Variants in SYNE2 observed in about 807,000 individuals in gnomAD.
SYNE2 encodes nesprin-2.
Under a neutral mutation model 856.3 loss-of-function variants are expected in SYNE2, and 431 were observed. That is an observed-to-expected ratio of 0.50 (90% CI 0.47 to 0.55). The LOEUF (loss-of-function observed/expected upper bound fraction) is 0.55, where lower values mean the gene tolerates loss of function less well. Ranked by LOEUF, SYNE2 falls within the 20% of genes least tolerant of loss-of-function variation. The pLI, the probability that SYNE2 is intolerant of heterozygous loss-of-function variation, is 0.00. For missense variants in SYNE2, 8,129 were observed against 8,023.2 expected (o/e 1.01, Z -0.50); for synonymous variants, 2,923 against 2,872.3 (o/e 1.02, Z -0.56).
intron 12 of SYNE2, 48 bp from the exon 13 acceptor site, chr14:63,977,857 A>G: frequency 7.9e-7 from 1 of 1,273,192 alleles, no homozygotes; most frequent in African/African-American, 1.5e-5. Context: ...CCTTAATTAC[A>G]GTGTTTGGCA....
intron 2 of SYNE2, among the ~76,000 whole-genome samples, chr14:63,932,108 G>A (rs1312064912): frequency 1.3e-5 from 2 of 152,158 alleles, no homozygotes; most frequent in African/African-American, 4.8e-5. Context: ...CAGTTGCAGT[G>A]GCACACACCT....
rs1167847940 is a variant in SYNE2, at chr14:64,219,382, A to T, written c.19832A>T (p.Glu6611Val). 6.2e-7 allele frequency: 1 copy of T among 1,614,074 alleles called. No homozygotes were observed. The highest frequency in any genetic ancestry group is 2.2e-5 in the East Asian group (1 of 44,894). ...KMAKPPSDIQEIELRVKRLQE... is the reference protein window; with the variant it reads ...KMAKPPSDIQVIELRVKRLQE... Reference sequence around the variant, plus strand: ...GCAAAGCCTCCCTCTGATATCCAGGAAATAGAACTGAGAGTGAAGAGACTG... The same window carrying T: ...GCAAAGCCTCCCTCTGATATCCAGGTAATAGAACTGAGAGTGAAGAGACTG... The change falls in exon 110 of 116, where the codon GAA becomes GTA. Residue 6611 changes from glutamate (E) to valine (V), a missense_variant. By Grantham distance (121) the Glu-to-Val change is moderately radical (BLOSUM62 -2). Around this residue, in one of 3 missense-constraint regions of SYNE2, gnomAD observed 5,410 missense variants for 5,284.8 expected, o/e 1.02. Coordinates refer to ENST00000555002, the MANE Select transcript of SYNE2 (RefSeq NM_182914.3).
intron 32 of SYNE2, 80 bp downstream of exon 32, chr14:64,010,196 G>T (rs954303987): frequency 1.4e-6 from 2 of 1,449,478 alleles, no homozygotes; most frequent in Non-Finnish European, 9.5e-7. Flanking sequence ...TATAGATTAA[G>T]TCTTTTTTGA....
intron 2 of SYNE2, among the ~76,000 whole-genome samples, chr14:63,919,185 T>G (rs1293360283): frequency 6.6e-6 from 1 of 152,166 alleles, no homozygotes; most frequent in African/African-American, 2.4e-5. Context: ...GTAAATAACT[T>G]CAATAAGCTT....
intron 1 of SYNE2, among the ~76,000 whole-genome samples, chr14:63,889,357 C>T (rs949134016): frequency 1.3e-5 from 2 of 151,918 alleles, no homozygotes; most frequent in African/African-American, 4.8e-5. Flanking sequence ...ATTTCTTAAC[C>T]ACTGGCTCTG....
intron 32 of SYNE2, among the ~76,000 whole-genome samples, chr14:64,014,960 T>TAC (rs1567055092): frequency 1.3e-4 from 8 of 59,726 alleles, no homozygotes; most frequent in African/African-American, 6.4e-4. Context: ...TATATATATA[T>TAC]ATATATATAT....
chr14:63,824,163 A>ACC (rs374913528), intron 1 of SYNE2, among the ~76,000 whole-genome samples: 30 of 152,190 alleles, frequency 2.0e-4, no homozygotes, highest in African/African-American at 6.7e-4. Context: ...ACATAATCAA[A>ACC]CCCCATCTCT....
chr14:63,856,919 A>G (rs754391685), intron 1 of SYNE2, among the ~76,000 whole-genome samples: 26 of 152,204 alleles, frequency 1.7e-4, no homozygotes, highest in Non-Finnish European at 3.2e-4. Flanking sequence ...ACAGGTGCAC[A>G]CTACCATGCC....
chr14:63,827,843 A>G (rs1051470720), intron 1 of SYNE2, among the ~76,000 whole-genome samples: 3 of 151,750 alleles, frequency 2.0e-5, no homozygotes, highest in Admixed American at 6.6e-5. Context: ...CAACATATAC[A>G]GTAAGCCCTT....
At chr14:63,795,458 T>A (rs1277723084) in intron 1 of SYNE2, among the ~76,000 whole-genome samples, 1 of 152,112 alleles carries the variant, frequency 6.6e-6, no homozygotes, top group Non-Finnish European at 1.5e-5. Context: ...TTGTGGGACC[T>A]TGTGGTCGTG....
chr14:64,003,529 A>G (rs1451651822), intron 30 of SYNE2, among the ~76,000 whole-genome samples, 199 bp downstream of exon 30: 2 of 152,200 alleles, frequency 1.3e-5, no homozygotes, highest in African/African-American at 2.4e-5. Flanking sequence ...AACGTTGCAT[A>G]ATTTTTTTCC....
At chr14:63,864,477 TG>T (rs1894668350) in intron 1 of SYNE2, 1 of 152,228 alleles carries the variant, frequency 6.6e-6, no homozygotes, top group Non-Finnish European at 1.5e-5. Flanking sequence ...AAGGTAAGCT[TG>T]TTCCTTGGGT....
intron 96 of SYNE2, among the ~76,000 whole-genome samples, chr14:64,184,097 ATTG>A (rs1259827717): frequency 6.6e-6 from 1 of 152,072 alleles, no homozygotes; most frequent in South Asian, 2.1e-4. Context: ...CATTCTATAT[ATTG>A]TTTGACTCCC....
intron 29 of SYNE2, 119 bp downstream of exon 29, chr14:64,002,200 G>GT (rs894575512): frequency 1.8e-3 from 1,539 of 855,198 alleles, no homozygotes; most frequent in Middle Eastern, 2.3e-3. Flanking sequence ...AGCCATGACA[G>GT]TTTTTTTTTC....
At chr14:63,807,371 C>A in intron 1 of SYNE2, among the ~76,000 whole-genome samples, 1 of 147,754 alleles carries the variant, frequency 6.8e-6, no homozygotes. Context: ...TAGGTCTGTA[C>A]TAAAGTGGAA....
intron 88 of SYNE2, chr14:64,162,994 C>A: frequency 5.1e-6 from 1 of 196,478 alleles, no homozygotes; most frequent in Admixed American, 5.3e-5. Context: ...TAATAAAATT[C>A]TATAGTTTCT....
intron 1 of SYNE2, among the ~76,000 whole-genome samples, chr14:63,906,842 C>A (rs748000763): frequency 6.6e-6 from 1 of 152,194 alleles, no homozygotes; most frequent in Non-Finnish European, 1.5e-5. Context: ...TGACAGAAAT[C>A]TAATCCAAGA....
Position 64,074,020 on chromosome 14 carries a change from G to C in SYNE2, c.10750G>C (p.Glu3584Gln), listed in dbSNP as rs781498170. 2.5e-6 allele frequency: 4 copies of C among 1,614,188 alleles called. No homozygotes were observed. Among genetic ancestry groups the C allele is most frequent in the Non-Finnish European group, 3.4e-6 (4 of 1,180,020 alleles). Residue 3584 changes from glutamate to glutamine, a missense_variant, in exon 53 of 116, where the codon GAA becomes CAA. Coordinates refer to ENST00000555002, the MANE Select transcript of SYNE2 (RefSeq NM_182914.3). ...AGAATTGGTGCAGACTGAAATCCAAGAAAGACATTCCTTCACAAAAGAGAT... is the reference window on the plus strand; with the variant it reads ...AGAATTGGTGCAGACTGAAATCCAACAAAGACATTCCTTCACAAAAGAGAT... ...NKELVQTEIQERHSFTKEIIA... is the reference protein window; with the variant it reads ...NKELVQTEIQQRHSFTKEIIA...
intron 23 of SYNE2, among the ~76,000 whole-genome samples, chr14:63,995,679 G>C (rs1357253871): frequency 6.6e-6 from 1 of 151,702 alleles, no homozygotes; most frequent in Non-Finnish European, 1.5e-5. Flanking sequence ...TTCTACTGTT[G>C]TGGCTCTCCC....
Sources: gnomAD v4.1 joint callset for allele counts (sites outside exome capture counted in the v4.1 genomes callset) on GRCh38, gnomAD v4.1.1 for gene constraint, gnomAD v4.1.1 regional missense constraint, MANE v1.5 for transcripts, NCBI Gene and HGNC (gene_info 2026-07-23, HGNC 2026-07-21) for gene names.